Variants in HSPG2 observed in about 807,000 individuals in gnomAD.
The protein encoded by HSPG2 is basement membrane-specific heparan sulfate proteoglycan core protein.
In HSPG2, 278 loss-of-function variants were observed where a neutral mutation model predicts 526.6. The observed-to-expected ratio is 0.53, with a 90% CI of 0.48 to 0.58. The LOEUF is 0.58. Ranked by LOEUF, HSPG2 falls within the 20% of genes least tolerant of loss-of-function variation. HSPG2 has a pLI of 0.00. For synonymous variants in HSPG2, 2,465 were observed against 2,555.4 expected (o/e 0.96, Z 1.07); for missense variants, 5,354 against 6,099.5 (o/e 0.88, Z 4.07).
At position 21,842,329 on chromosome 1, in the gene HSPG2, C is replaced by T. The variant is rs760286913; in HGVS notation, c.8962G>A (p.Glu2988Lys). 213 of 1,611,886 alleles carry T rather than the reference C, an allele frequency of 1.3e-4. No homozygotes were observed. The highest frequency in any genetic ancestry group is 1.7e-4 in the Non-Finnish European group (197 of 1,178,992). The part of the protein sequence containing the change: ...LHLVSPADSG[E>K]YVCRAASGPG... ...CCGCTGGCTGCACGACACACATACT[C>T]GCCTGAGTCGGCAGGGGAGACGAGG... Residue 2988 changes from glutamate to lysine, a missense_variant, in exon 68 of 97, where the codon GAG becomes AAG. By Grantham distance (56) the Glu-to-Lys change is moderately conservative. Transcript: ENST00000374695.
intron 74 of HSPG2, among the ~76,000 whole-genome samples, chr1:21,837,596 G>C (rs536472542): frequency 6.6e-5 from 10 of 152,098 alleles, no homozygotes; most frequent in African/African-American, 2.4e-4. Context: ...GCCATACTCA[G>C]ACATTTTAAG....
Position 21,874,928 on chromosome 1 carries a change from C to T in HSPG2, c.3377G>A (p.Cys1126Tyr). The change falls in exon 26 of 97, where the codon TGC (cysteine) becomes TAC (tyrosine). Residue 1126 changes from cysteine (C) to tyrosine (Y), a missense_variant. Transcript: ENST00000374695. ...GQDPALEVEQCSCPPGYRGPS... is the reference protein window; with the variant it reads ...GQDPALEVEQYSCPPGYRGPS... ...CCCACGGTACCCGGGTGGGCAGGAG[C>T]ACTGTTCCACTTCCAGCGCGGGGTC... 6.2e-7 allele frequency: 1 copy of T among 1,613,028 alleles called. No homozygotes were observed. Among genetic ancestry groups the T allele is most frequent in the Non-Finnish European group, 8.5e-7 (1 of 1,179,716 alleles).
In HSPG2 at chr1:21,847,106, T is replaced by C. The variant is rs1313117585; in HGVS notation, c.8164+248A>G. Among the ~76,000 whole-genome samples, 1 of 152,226 alleles carries C rather than the reference T, an allele frequency of 6.6e-6. No individual in the cohort carries two copies. The highest frequency in any genetic ancestry group is 1.5e-5 in the Non-Finnish European group (1 of 68,042). On this transcript the variant is annotated intron_variant, in intron 62 of 96. Coordinates refer to ENST00000374695, the MANE Select transcript of HSPG2 (RefSeq NM_005529.7). This position sits in a 1 kb window ranked among gnomAD's most constrained non-coding sequence, Gnocchi z 4.1. ...ACTAACTCACTTAACCCTCACAAAA[T>C]TCGTAAACTTCCTGTGATGATGGAA...
chr1:21,890,493 G>A lies in HSPG2; in HGVS notation c.355-8C>T. The A allele has an allele frequency of 6.2e-7, 1 of 1,613,918 alleles. No individual in the cohort carries two copies. Among genetic ancestry groups the A allele is most frequent in the Admixed American group, 1.7e-5 (1 of 59,994 alleles). Reference sequence around the variant, plus strand: ...CAAGTACTCCGACTCCAGCTGGGGAGGGACACAGTGCCATCAGCCCCAGAG... The same window carrying A: ...CAAGTACTCCGACTCCAGCTGGGGAAGGACACAGTGCCATCAGCCCCAGAG... On this transcript the variant is annotated splice_polypyrimidine_tract_variant and splice_region_variant and intron_variant, in intron 4 of 96. Coordinates refer to ENST00000374695, the MANE Select transcript of HSPG2 (RefSeq NM_005529.7). This position sits in a 1 kb window ranked among gnomAD's most constrained non-coding sequence, Gnocchi z 4.1.
Position 21,890,050 on chromosome 1 carries a change from TGA to T in HSPG2, c.503_504del (p.Val168AspfsTer43). On this transcript the variant is annotated frameshift_variant, in exon 6 of 97. Transcript: ENST00000374695. LOFTEE classifies it high-confidence loss of function. The surrounding 1 kb of genome is among the most constrained non-coding windows in gnomAD (Gnocchi z 4.1). ...TAGGAGGCCACAGAGCCGCTGGAGA[TGA>T]CCCTGAGCAGCATCTCCTGAATCTG... is the stretch of plus-strand genomic sequence containing the variant. ...GAQIQEMLLRVISSGSVASYV... is the reference protein window; with the variant it reads ...GAQIQEMLLRXISSGSVASYV... 6.2e-7 allele frequency: 1 copy of T among 1,613,940 alleles called. No individual in the cohort carries two copies. The highest frequency in any genetic ancestry group is 1.3e-5 in the African/African-American group (1 of 75,000).
intron 77 of HSPG2, among the ~76,000 whole-genome samples, chr1:21,834,448 G>T (rs1309112787): frequency 6.6e-6 from 1 of 152,086 alleles, no homozygotes; most frequent in African/African-American, 2.4e-5. Flanking sequence ...TTTTCTTCTT[G>T]ATGCTCTATG....
rs899911632 is a variant in HSPG2 at position 21,864,395 on chromosome 1, C to T, written c.4627-182G>A. Among the ~76,000 whole-genome samples the T allele has an allele frequency of 1.3e-5, 2 of 152,182 alleles. No homozygotes were observed. The highest frequency in any genetic ancestry group is 4.8e-5 in the African/African-American group (2 of 41,446). On this transcript the variant is annotated intron_variant, in intron 36 of 96. Transcript: ENST00000374695. The surrounding 1 kb of genome is among the most constrained non-coding windows in gnomAD (Gnocchi z 4.8). ...ACCCACGGCCCTCTCCCAGTCCACA[C>T]TGTTCACCTCTGGGAGGCATCTCTA...
chr1:21,865,108 G>A lies in HSPG2; in HGVS notation c.4396-35C>T, dbSNP rs1353503332. ...GGGTGGCAACGTGGGCGGGGGCAGT[G>A]GGCTTTGTGGGCTGCTCCTACAGTT... is the stretch of plus-strand genomic sequence containing the variant. On this transcript the variant is annotated intron_variant, in intron 35 of 96. Coordinates refer to ENST00000374695, the MANE Select transcript of HSPG2 (RefSeq NM_005529.7). The surrounding 1 kb of genome is among the most constrained non-coding windows in gnomAD (Gnocchi z 5.4). 1 of 1,539,194 alleles carries A rather than the reference G, an allele frequency of 6.5e-7. No homozygotes were observed. The highest frequency in any genetic ancestry group is 2.4e-5 in the East Asian group (1 of 42,444).
intron 1 of HSPG2, among the ~76,000 whole-genome samples, chr1:21,922,363 C>T (rs1406031012): frequency 2.0e-5 from 3 of 152,208 alleles, no homozygotes; most frequent in East Asian, 1.9e-4. Context: ...AATTGATGGA[C>T]GGGAGCTAAC....
At chr1:21,913,540 A>G (rs976309995) in intron 1 of HSPG2, among the ~76,000 whole-genome samples, 3 of 151,892 alleles carry the variant, frequency 2.0e-5, no homozygotes, top group East Asian at 1.9e-4. Flanking sequence ...ACCTGGACCC[A>G]CTCTCTGCTC....
In HSPG2 at chr1:21,887,327, CGGG is replaced by C. The variant is rs778898735; in HGVS notation, c.963_965del (p.Pro324del). 6.2e-7 allele frequency: 1 copy of C among 1,613,952 alleles called. No homozygotes were observed. Among genetic ancestry groups the C allele is most frequent in the East Asian group, 2.2e-5 (1 of 44,876 alleles). ...GGAACTCGTTGGGCTCACAGGGTGG[CGGG>C]GGGCCTAGGAGACCGGGCAGGGGTC... On this transcript the variant is annotated inframe_deletion, in exon 9 of 97. Transcript: ENST00000374695. This position sits in a 1 kb window ranked among gnomAD's most constrained non-coding sequence, Gnocchi z 5.0.
intron 96 of HSPG2, 42 bp from the exon 97 acceptor site, chr1:21,823,530 C>T (rs2097957890): frequency 6.2e-7 from 1 of 1,609,434 alleles, no homozygotes; most frequent in Non-Finnish European, 8.5e-7. Context: ...GCTCCAGCAG[C>T]CCAGGAGGCG....
Position 21,831,504 on chromosome 1 carries a change from T to C in HSPG2, c.11411A>G (p.Tyr3804Cys). Residue 3804 changes from tyrosine to cysteine, a missense_variant, in exon 83 of 97, where the codon TAT becomes TGT. Coordinates refer to ENST00000374695, the MANE Select transcript of HSPG2 (RefSeq NM_005529.7). ...EELYLGGYPDYGAIPKAGLSS... is the reference protein window; with the variant it reads ...EELYLGGYPDCGAIPKAGLSS... Reference sequence around the variant, plus strand: ...CAGCCCCGCCTTGGGGATGGCACCATAGTCAGGATAGCCACCCAGGTAGAG... The same window carrying C: ...CAGCCCCGCCTTGGGGATGGCACCACAGTCAGGATAGCCACCCAGGTAGAG... 4 of 1,614,064 alleles carry C rather than the reference T, an allele frequency of 2.5e-6. No homozygotes were observed. The highest frequency in any genetic ancestry group is 3.4e-6 in the Non-Finnish European group (4 of 1,179,978).
rs1638602762 is a variant in HSPG2 at position 21,848,182 on chromosome 1, G to A, written c.7738-89C>T. 6.3e-6 allele frequency: 9 copies of A among 1,433,456 alleles called. No homozygotes were observed. The highest frequency in any genetic ancestry group is 8.6e-6 in the Non-Finnish European group (9 of 1,052,480). 88.8% of individuals were successfully genotyped at this position (1,433,456 alleles called of 1,614,324 possible). A position where few individuals can be genotyped will look rare whatever the true frequency, so the allele number is the denominator to read the frequency against. On this transcript the variant is annotated intron_variant, in intron 59 of 96. Coordinates refer to ENST00000374695, the MANE Select transcript of HSPG2 (RefSeq NM_005529.7). This position sits in a 1 kb window ranked among gnomAD's most constrained non-coding sequence, Gnocchi z 4.9. ...ACTGCTGCCGCTGCCCCTGGACTCT[G>A]GGGGCCTCCCTGCCTTGCCTCCTCA...
Position 21,850,511 on chromosome 1 carries a change from G to C in HSPG2, c.7159-13C>G, listed in dbSNP as rs371929137. 18 of 1,600,888 alleles carry C rather than the reference G, an allele frequency of 1.1e-5. No individual in the cohort carries two copies. The African/African-American group carries it at 2.3e-4, about 20-fold the overall frequency. ...GGGAGCCGTGGGTCTGGCCAGAATG[G>C]GGGTGAGTCAGAGGGAGCCCTCAGG... On this transcript the variant is annotated splice_polypyrimidine_tract_variant and intron_variant, in intron 55 of 96. Transcript: ENST00000374695.
chr1:21,851,364 G>T, intron 55 of HSPG2, 182 bp downstream of exon 55: 2 of 773,972 alleles, frequency 2.6e-6, no homozygotes, highest in Non-Finnish European at 4.2e-6. Flanking sequence ...AAGTGGTGGA[G>T]CCAGAATTCA....
In HSPG2 at chr1:21,855,001, G is replaced by A; in HGVS notation, c.5998-18C>T. ...GACCGGGCCTGCCGTGGGTGAGATG[G>A]GTCAGCTGCCCCAGAGGCAGCTGGA... is the stretch of plus-strand genomic sequence containing the variant. On this transcript the variant is annotated intron_variant, in intron 47 of 96. Transcript: ENST00000374695. The A allele has an allele frequency of 6.2e-7, 1 of 1,610,572 alleles. No homozygotes were observed. Among genetic ancestry groups the A allele is most frequent in the South Asian group, 1.1e-5 (1 of 91,054 alleles).
At chr1:21,866,237 G>A (rs960398432) in intron 33 of HSPG2, among the ~76,000 whole-genome samples, 2 of 152,196 alleles carry the variant, frequency 1.3e-5, no homozygotes, top group Non-Finnish European at 2.9e-5. Flanking sequence ...TTGCCTCCTA[G>A]GCAGGTGGTT....
In HSPG2 at chr1:21,834,677, A is replaced by G. The variant is rs2098019124; in HGVS notation, c.10720+2T>C. On this transcript the variant is annotated splice_donor_variant, in intron 77 of 96. Transcript: ENST00000374695. LOFTEE classifies it high-confidence loss of function. ...CCAACAAAAGTCCCCACTGGCCTTC[A>G]CCTTGCACAAGCAGCAGGACGTGGG... is the stretch of plus-strand genomic sequence containing the variant. The G allele has an allele frequency of 4.3e-6, 7 of 1,614,048 alleles. No individual in the cohort carries two copies. The East Asian group carries it at 1.6e-4, about 36-fold the overall frequency.
Sources: allele counts gnomAD v4.1 joint callset (sites outside exome capture counted in the v4.1 genomes callset), GRCh38; gene constraint gnomAD v4.1.1; non-coding constraint Gnocchi (gnomAD v3.1); transcripts MANE v1.5; gene names NCBI Gene and HGNC (gene_info 2026-07-23, HGNC 2026-07-21).